The following CARF variants were observed in gnomAD, a reference collection of about 807,000 sequenced individuals.
CARF encodes calcium-responsive transcription factor.
In CARF, 57 loss-of-function variants were observed where a neutral mutation model predicts 82.0. The ratio of observed to expected loss-of-function variants is 0.70; its 90% confidence interval spans 0.56 to 0.87. The LOEUF (loss-of-function observed/expected upper bound fraction) is 0.87, where lower values mean the gene tolerates loss of function less well. Ranked by LOEUF, CARF falls within the 40% of genes least tolerant of loss-of-function variation. CARF has a pLI of 0.00. For synonymous variants in CARF, 268 were observed against 290.1 expected (o/e 0.92, Z 0.77); for missense variants, 771 against 855.8 (o/e 0.90, Z 1.24).
At chr2:202,959,621 C>G (rs2059212844) in intron 8 of CARF, among the ~76,000 whole-genome samples, 1 of 152,222 alleles carries the variant, frequency 6.6e-6, no homozygotes, top group South Asian at 2.1e-4. Flanking sequence ...GAGTTTGAGA[C>G]CAGCCTGGTC....
intron 16 of CARF, among the ~76,000 whole-genome samples, chr2:202,982,765 T>A (rs2060318354): frequency 6.6e-6 from 1 of 151,922 alleles, no homozygotes; most frequent in Non-Finnish European, 1.5e-5. Flanking sequence ...TAGGAAAAAA[T>A]TAAACAAGGA....
At chr2:202,943,658 T>C (rs2058352802) in intron 5 of CARF, among the ~76,000 whole-genome samples, 1 of 148,650 alleles carries the variant, frequency 6.7e-6, no homozygotes, top group South Asian at 2.1e-4. Flanking sequence ...TTTTGTTTTT[T>C]TTTTTCTGAG....
chr2:202,924,996 G>T, intron 3 of CARF: 1 of 383,872 alleles, frequency 2.6e-6, no homozygotes. Flanking sequence ...ACAAGATACT[G>T]GAGACCAAGT....
In CARF at chr2:202,941,910, A is replaced by C. The variant is rs944996128; in HGVS notation, c.8A>C (p.Gln3Pro). The stretch of plus-strand genomic sequence containing the variant: ...ATTGAATATGATGTCAGCATGGAAC[A>C]ATCTAATGATTCATTAAGAGTCAAC... ME[Q>P]SNDSLRVNHN... The change falls in exon 4 of 17, where the codon CAA becomes CCA. Residue 3 changes from glutamine to proline, a missense_variant. Physicochemically the swap from Gln to Pro is moderately conservative, Grantham distance 76. Transcript: ENST00000438828. 1 of 1,612,530 alleles carries C rather than the reference A, an allele frequency of 6.2e-7. No individual in the cohort carries two copies. Among genetic ancestry groups the C allele is most frequent in the Non-Finnish European group, 8.5e-7 (1 of 1,178,834 alleles).
chr2:202,931,639 A>AT (rs1312734654), intron 3 of CARF, among the ~76,000 whole-genome samples: 1 of 152,256 alleles, frequency 6.6e-6, no homozygotes. Flanking sequence ...GGGTTTTATC[A>AT]TGCCAGTCAG....
At chr2:202,924,536 C>G (rs951388927) in intron 3 of CARF, 121 bp downstream of exon 3, 1 of 152,202 alleles carries the variant, frequency 6.6e-6, no homozygotes, top group Non-Finnish European at 1.5e-5. Flanking sequence ...TTGACTACCA[C>G]CTAGAAATAG....
At position 202,965,007 on chromosome 2, in the gene CARF, T is replaced by TA. The variant is rs991609548; in HGVS notation, c.833-1970dup. Among the ~76,000 whole-genome samples the TA allele has an allele frequency of 9.2e-5, 14 of 152,062 alleles. No homozygotes were observed. In the South Asian group the frequency reaches 1.5e-3, roughly 16 times the overall value. Reference sequence around the variant, plus strand: ...TGTTCAGCATTTACATTTTCCCACTTACCTCACAGGTTTTTTTTCCTCTCC... The same window carrying TA: ...TGTTCAGCATTTACATTTTCCCACTTAACCTCACAGGTTTTTTTTCCTCTCC... On this transcript the variant is annotated intron_variant, in intron 9 of 16. Transcript: ENST00000438828.
At chr2:202,921,908 C>T (rs555583170) in intron 2 of CARF, among the ~76,000 whole-genome samples, 1 of 152,058 alleles carries the variant, frequency 6.6e-6, no homozygotes, top group African/African-American at 2.4e-5. Context: ...TCACTGTAGC[C>T]TCAAACTCCT....
intron 3 of CARF, among the ~76,000 whole-genome samples, chr2:202,927,805 T>G (rs1692139121): frequency 6.6e-6 from 1 of 151,674 alleles, no homozygotes; most frequent in South Asian, 2.1e-4. Flanking sequence ...GCTGTCTTTT[T>G]TTTTTTTTTT....
intron 15 of CARF, 150 bp downstream of exon 15, chr2:202,981,835 CTTGAT>C: frequency 1.0e-6 from 1 of 1,002,818 alleles, no homozygotes; most frequent in South Asian, 1.9e-5. Context: ...CTTTTTGTTT[CTTGAT>C]TTAAGATAAT....
intron 8 of CARF, among the ~76,000 whole-genome samples, chr2:202,958,203 ATTG>A (rs1335884630): frequency 2.7e-5 from 4 of 148,594 alleles, no homozygotes; most frequent in Non-Finnish European, 4.5e-5. Flanking sequence ...TTAGGACATT[ATTG>A]TTGTTGCTTT....
In CARF at chr2:202,942,835, C is replaced by G. The variant is rs201669246; in HGVS notation, c.174C>G (p.Leu58=). The change falls in exon 5 of 17, where the codon CTC becomes CTG. Residue 58 remains leucine (L), a synonymous_variant. Coordinates refer to ENST00000438828, the MANE Select transcript of CARF (RefSeq NM_024744.17). ...CTACTCGTGAAGCAAATAATTCACT[C>G]ATATCACAGAATATACCAGGGCCCC... ...PITTREANNS[L]ISQNIPGPLT... 1 of 1,613,978 alleles carries G rather than the reference C, an allele frequency of 6.2e-7. No homozygotes were observed. The highest frequency in any genetic ancestry group is 8.5e-7 in the Non-Finnish European group (1 of 1,179,948).
chr2:202,977,683 C>T (rs1425010389), intron 14 of CARF, among the ~76,000 whole-genome samples: 1 of 152,126 alleles, frequency 6.6e-6, no homozygotes, highest in Non-Finnish European at 1.5e-5. Context: ...GTTCTTACTG[C>T]TGGGCCCTTT....
At position 202,981,448 on chromosome 2, in the gene CARF, A is replaced by G. The variant is rs182345208; in HGVS notation, c.1559-107A>G. 75 of 852,600 alleles carry G rather than the reference A, an allele frequency of 8.8e-5. 1 individual carries two copies. Among genetic ancestry groups the G allele is most frequent in the Admixed American group, 1.5e-4 (5 of 33,812 alleles). 52.8% of individuals were successfully genotyped at this position (852,600 alleles called of 1,614,324 possible). ...TATTGAAGTCCTTTGCAAAACTTTGAAAGTATTTCCTATTTTAGTTCTGAC... is the reference window on the plus strand; with the variant it reads ...TATTGAAGTCCTTTGCAAAACTTTGGAAGTATTTCCTATTTTAGTTCTGAC... On this transcript the variant is annotated intron_variant, in intron 14 of 16. Coordinates refer to ENST00000438828, the MANE Select transcript of CARF (RefSeq NM_024744.17).
intron 7 of CARF, 72 bp from the exon 8 acceptor site, chr2:202,955,602 G>C: frequency 9.4e-7 from 1 of 1,068,122 alleles, no homozygotes; most frequent in Non-Finnish European, 1.4e-6. Flanking sequence ...GATACTAAGA[G>C]GATAAAGCAG....
At chr2:202,947,270 T>A (rs779705888) in intron 5 of CARF, among the ~76,000 whole-genome samples, 4 of 152,168 alleles carry the variant, frequency 2.6e-5, no homozygotes, top group Non-Finnish European at 4.4e-5. Flanking sequence ...ATGTGGCACA[T>A]ATATACCATG....
intron 14 of CARF, among the ~76,000 whole-genome samples, chr2:202,980,595 T>A (rs1356889082): frequency 1.6e-5 from 2 of 123,476 alleles, no homozygotes; most frequent in Non-Finnish European, 3.3e-5. Context: ...AGATTCGAGT[T>A]ACAGATATAG....
At position 202,985,049 on chromosome 2, in the gene CARF, TC is replaced by T. The variant is rs2060389359; in HGVS notation, c.*1427del. ...CCAGCCTGGGTGACAAGAGAAAAAC[TC>T]CATCTCAAAAAAAAAAAAAAGATTG... On this transcript the variant is annotated 3_prime_UTR_variant, in exon 17 of 17. Coordinates refer to ENST00000438828, the MANE Select transcript of CARF (RefSeq NM_024744.17). The T allele has an allele frequency of 7.0e-6, 1 of 141,900 alleles. No individual in the cohort carries two copies. Among genetic ancestry groups the T allele is most frequent in the Admixed American group, 7.1e-5 (1 of 14,174 alleles). 8.8% of individuals were successfully genotyped at this position (141,900 alleles called of 1,614,324 possible). A position where few individuals can be genotyped will look rare whatever the true frequency, so the allele number is the denominator to read the frequency against.
At chr2:202,940,955 C>T (rs913332015) in intron 3 of CARF, among the ~76,000 whole-genome samples, 1 of 151,912 alleles carries the variant, frequency 6.6e-6, no homozygotes, top group African/African-American at 2.4e-5. Flanking sequence ...TGTAGCAAGA[C>T]AGTTTTTTTT....
Sources: gnomAD v4.1 joint callset for allele counts (sites outside exome capture counted in the v4.1 genomes callset) on GRCh38, gnomAD v4.1.1 for gene constraint, MANE v1.5 for transcripts, NCBI Gene and HGNC (gene_info 2026-07-23, HGNC 2026-07-21) for gene names.